FSTL5: variants seen among roughly 807,000 people sequenced by gnomAD.
The protein encoded by FSTL5 is follistatin-related protein 5.
Under a neutral mutation model 89.1 loss-of-function variants are expected in FSTL5, and 62 were observed. That is an observed-to-expected ratio of 0.70 (90% CI 0.57 to 0.86). The LOEUF (loss-of-function observed/expected upper bound fraction) is 0.86, where lower values mean the gene tolerates loss of function less well. FSTL5 is among the 40% of genes least tolerant of loss of function. The probability of loss-of-function intolerance (pLI) is 0.00; values close to 1 mark genes in which losing one functional copy is unlikely to be tolerated. For missense variants in FSTL5, 1,057 were observed against 1,001.6 expected (o/e 1.06, Z -0.75); for synonymous variants, 383 against 346.2 (o/e 1.11, Z -1.18).
At chr4:161,706,251 G>T (rs1400481225) in intron 6 of FSTL5, among the ~76,000 whole-genome samples, 2 of 151,468 alleles carry the variant, frequency 1.3e-5, no homozygotes, top group Non-Finnish European at 2.9e-5. Flanking sequence ...TAGTAAGCAG[G>T]AGGAAGCCAC....
intron 10 of FSTL5, among the ~76,000 whole-genome samples, chr4:161,532,581 G>C (rs1429019926): frequency 6.6e-6 from 1 of 151,904 alleles, no homozygotes; most frequent in Non-Finnish European, 1.5e-5. Context: ...ATTACTAATG[G>C]GTCTTTGATT....
At position 161,893,735 on chromosome 4, in the gene FSTL5, G is replaced by A. The variant is rs1416422195; in HGVS notation, c.409+26669C>T. Among the ~76,000 whole-genome samples, 7 of 152,142 alleles carry A rather than the reference G, an allele frequency of 4.6e-5. No homozygotes were observed. In the East Asian group the frequency reaches 1.3e-3, roughly 29 times the overall value. On this transcript the variant is annotated intron_variant, in intron 4 of 15. Transcript: ENST00000306100. ...AGGTCTATTAAAACAGAACAAATGAGCATAGCACATTGCTGACTGATTTGC... is the reference window on the plus strand; with the variant it reads ...AGGTCTATTAAAACAGAACAAATGAACATAGCACATTGCTGACTGATTTGC...
chr4:161,847,377 C>A (rs1731403012), intron 4 of FSTL5, among the ~76,000 whole-genome samples: 2 of 151,994 alleles, frequency 1.3e-5, no homozygotes, highest in African/African-American at 4.8e-5. Flanking sequence ...AGAGAGAAAC[C>A]ATTACTATCC....
At position 161,743,615 on chromosome 4, in the gene FSTL5, T is replaced by C. The variant is rs1223175659; in HGVS notation, c.727+15796A>G. Among the ~76,000 whole-genome samples, 4 of 152,278 alleles carry C rather than the reference T, an allele frequency of 2.6e-5. No homozygotes were observed. The East Asian group carries it at 7.7e-4, about 29-fold the overall frequency. ...TTAGGATATTGATAGGGATTGCATT[T>C]AATCTGTAGATTACATTGAATGGTA... On this transcript the variant is annotated intron_variant, in intron 6 of 15. Coordinates refer to ENST00000306100, the MANE Select transcript of FSTL5 (RefSeq NM_020116.5).
chr4:162,156,187 G>A (rs1459512988), intron 1 of FSTL5, among the ~76,000 whole-genome samples: 2 of 152,028 alleles, frequency 1.3e-5, no homozygotes, highest in Non-Finnish European at 1.5e-5. Context: ...TCAAACCACA[G>A]TAAGACACCA....
At chr4:162,085,282 G>A (rs997600361) in intron 2 of FSTL5, among the ~76,000 whole-genome samples, 1 of 151,928 alleles carries the variant, frequency 6.6e-6, no homozygotes, top group African/African-American at 2.4e-5. Context: ...ATCAAGTACT[G>A]TTGTATACTT....
chr4:161,568,030 T>C (rs1732878519), intron 8 of FSTL5, among the ~76,000 whole-genome samples: 1 of 151,728 alleles, frequency 6.6e-6, no homozygotes. Flanking sequence ...TCTGCTCTCT[T>C]GGCAATACGA....
intron 1 of FSTL5, among the ~76,000 whole-genome samples, chr4:162,131,964 T>G (rs752085126): frequency 6.6e-6 from 1 of 152,204 alleles, no homozygotes; most frequent in African/African-American, 2.4e-5. Context: ...GAATCTACAA[T>G]TTAAACAGGG....
chr4:161,828,201 C>T (rs1219467068), intron 4 of FSTL5, among the ~76,000 whole-genome samples: 1 of 152,176 alleles, frequency 6.6e-6, no homozygotes, highest in Non-Finnish European at 1.5e-5. Context: ...GGTAAGGTCA[C>T]ATACTTTTTC....
At chr4:161,681,970 A>C (rs903799533) in intron 6 of FSTL5, among the ~76,000 whole-genome samples, 1 of 152,188 alleles carries the variant, frequency 6.6e-6, no homozygotes, top group Non-Finnish European at 1.5e-5. Flanking sequence ...AGACTACTAT[A>C]CACCTGCAGT....
At chr4:162,152,053 C>T (rs1733244420) in intron 1 of FSTL5, among the ~76,000 whole-genome samples, 1 of 152,124 alleles carries the variant, frequency 6.6e-6, no homozygotes. Context: ...AGTCCGACTA[C>T]AGACATTATC....
intron 3 of FSTL5, among the ~76,000 whole-genome samples, chr4:161,958,853 T>C (rs1035935658): frequency 1.3e-5 from 2 of 152,134 alleles, no homozygotes; most frequent in Non-Finnish European, 2.9e-5. Context: ...ATTTCTGTAG[T>C]TGTCTGGTAT....
chr4:161,969,987 TG>T (rs1356252140), intron 3 of FSTL5, among the ~76,000 whole-genome samples: 3 of 152,066 alleles, frequency 2.0e-5, no homozygotes, highest in Admixed American at 2.0e-4. Context: ...CTAAAGAGGT[TG>T]GTGAGGACCA....
At chr4:161,965,616 G>A (rs1387132964) in intron 3 of FSTL5, among the ~76,000 whole-genome samples, 1 of 152,000 alleles carries the variant, frequency 6.6e-6, no homozygotes, top group African/African-American at 2.4e-5. Flanking sequence ...ATCTACAGTG[G>A]AAGCTATCAT....
intron 8 of FSTL5, among the ~76,000 whole-genome samples, chr4:161,571,952 G>GAGACAC (rs1169740189): frequency 6.6e-6 from 1 of 152,152 alleles, no homozygotes; most frequent in African/African-American, 2.4e-5. Flanking sequence ...AATTAGGCTA[G>GAGACAC]AGACACAATA....
chr4:161,424,792 C>T (rs1047685513), intron 15 of FSTL5, among the ~76,000 whole-genome samples: 2 of 152,118 alleles, frequency 1.3e-5, no homozygotes, highest in Admixed American at 6.6e-5. Flanking sequence ...TACTAAATAT[C>T]GGATAATCAA....
chr4:162,110,525 T>C (rs749047987), intron 2 of FSTL5, among the ~76,000 whole-genome samples: 2 of 151,852 alleles, frequency 1.3e-5, no homozygotes, highest in African/African-American at 2.4e-5. Flanking sequence ...TTTACAAATA[T>C]ATAAAGTTTT....
chr4:162,066,325 TC>T (rs1250272712), intron 2 of FSTL5, among the ~76,000 whole-genome samples: 1 of 109,950 alleles, frequency 9.1e-6, no homozygotes, highest in African/African-American at 3.4e-5. Context: ...TTCTTCTTCT[TC>T]TTCTTCTTCT....
intron 4 of FSTL5, among the ~76,000 whole-genome samples, chr4:161,797,369 A>G (rs1729663283): frequency 6.6e-6 from 1 of 151,656 alleles, no homozygotes; most frequent in African/African-American, 2.4e-5. Context: ...CATACACATA[A>G]TACAATTACA....
Sources: gnomAD v4.1 joint callset for allele counts (sites outside exome capture counted in the v4.1 genomes callset) on GRCh38, gnomAD v4.1.1 for gene constraint, MANE v1.5 for transcripts, NCBI Gene and HGNC (gene_info 2026-07-23, HGNC 2026-07-21) for gene names.